The following SCN11A variants were observed in gnomAD, a reference collection of about 807,000 sequenced individuals.
SCN11A encodes the protein sodium voltage-gated channel alpha subunit 11.
Under a neutral mutation model 162.2 loss-of-function variants are expected in SCN11A, and 122 were observed. That is an observed-to-expected ratio of 0.75 (90% CI 0.65 to 0.87). The LOEUF is 0.87. Ranked by LOEUF, SCN11A falls within the 40% of genes least tolerant of loss-of-function variation. SCN11A has a pLI of 0.00. For missense variants in SCN11A, 2,015 were observed against 2,181.6 expected (o/e 0.92, Z 1.52); for synonymous variants, 758 against 751.5 (o/e 1.01, Z -0.14).
At chr3:38,961,132 GC>G (rs1199563123) in intron 2 of SCN11A, among the ~76,000 whole-genome samples, 1 of 152,192 alleles carries the variant, frequency 6.6e-6, no homozygotes, top group Admixed American at 6.5e-5. Context: ...GGAAGTAGGT[GC>G]TTACGGGAGT....
intron 28 of SCN11A, among the ~76,000 whole-genome samples, chr3:38,851,031 A>G (rs2064770615): frequency 6.6e-6 from 1 of 152,200 alleles, no homozygotes; most frequent in Non-Finnish European, 1.5e-5. Context: ...TAGTAACAAC[A>G]TAACTTTGAT....
intron 2 of SCN11A, among the ~76,000 whole-genome samples, chr3:39,018,668 A>C (rs1436014861): frequency 2.0e-5 from 3 of 152,024 alleles, no homozygotes; most frequent in Admixed American, 2.0e-4. Flanking sequence ...AATACAAAAA[A>C]TTAGCCAGGT....
chr3:38,906,163 T>C (rs948338278), intron 14 of SCN11A, among the ~76,000 whole-genome samples: 10 of 152,190 alleles, frequency 6.6e-5, no homozygotes, highest in Admixed American at 6.5e-4. Flanking sequence ...CCCCACCACA[T>C]TATCAGGCAT....
chr3:38,871,742 G>A, intron 24 of SCN11A, 34 bp from the exon 25 acceptor site: 1 of 1,537,444 alleles, frequency 6.5e-7, no homozygotes, highest in Non-Finnish European at 8.7e-7. Context: ...AACCATAACA[G>A]ATGGGTAGGA....
chr3:39,046,503 T>C (rs1435420111), intron 1 of SCN11A, among the ~76,000 whole-genome samples: 1 of 151,910 alleles, frequency 6.6e-6, no homozygotes, highest in Non-Finnish European at 1.5e-5. Flanking sequence ...TTCATAGAAA[T>C]AGAAAAAATA....
intron 23 of SCN11A, among the ~76,000 whole-genome samples, chr3:38,877,141 T>C (rs1575234278): frequency 9.1e-6 from 1 of 109,654 alleles, no homozygotes; most frequent in East Asian, 2.3e-4. Flanking sequence ...ATACTATATA[T>C]ATGGTATATA....
intron 11 of SCN11A, among the ~76,000 whole-genome samples, chr3:38,915,819 A>G (rs1333179848): frequency 6.6e-6 from 1 of 152,084 alleles, no homozygotes; most frequent in Non-Finnish European, 1.5e-5. Context: ...TAACAGGTCC[A>G]TTTGGTCCAA....
chr3:39,001,419 T>C (rs903253414), intron 2 of SCN11A, among the ~76,000 whole-genome samples: 1 of 152,258 alleles, frequency 6.6e-6, no homozygotes, highest in African/African-American at 2.4e-5. Context: ...ATGTTTCTTT[T>C]CCAAGGTTTA....
Position 38,919,916 on chromosome 3 carries a change from A to C in SCN11A, c.959+19T>G, listed in dbSNP as rs1352864087. On this transcript the variant is annotated intron_variant, in intron 11 of 29. Transcript: ENST00000302328. ...TAGAGGTACTCTTCTTGGGAGGAAAATGATTATAAACCTCTTACCTGTTAC... is the reference window on the plus strand; with the variant it reads ...TAGAGGTACTCTTCTTGGGAGGAAACTGATTATAAACCTCTTACCTGTTAC... 1.3e-6 allele frequency: 2 copies of C among 1,594,512 alleles called. No individual in the cohort carries two copies. The highest frequency in any genetic ancestry group is 2.2e-5 in the South Asian group (2 of 90,624).
At chr3:39,002,685 T>C (rs1172627104) in intron 2 of SCN11A, among the ~76,000 whole-genome samples, 1 of 152,242 alleles carries the variant, frequency 6.6e-6, no homozygotes, top group Non-Finnish European at 1.5e-5. Context: ...GATTTTGCAT[T>C]TGGCTTTGTG....
intron 26 of SCN11A, among the ~76,000 whole-genome samples, chr3:38,868,608 C>A (rs774761808): frequency 3.3e-5 from 5 of 152,088 alleles, no homozygotes; most frequent in African/African-American, 4.8e-5. Flanking sequence ...AAAGCTCACC[C>A]AATTTGTTCA....
intron 2 of SCN11A, among the ~76,000 whole-genome samples, chr3:38,984,950 G>A (rs1173023065): frequency 6.6e-6 from 1 of 151,332 alleles, no homozygotes; most frequent in Non-Finnish European, 1.5e-5. Flanking sequence ...CTAGAGTTGA[G>A]TGAATGAGCA....
intron 2 of SCN11A, among the ~76,000 whole-genome samples, chr3:38,967,144 C>T (rs2066787955): frequency 6.6e-6 from 1 of 152,160 alleles, no homozygotes; most frequent in Non-Finnish European, 1.5e-5. Flanking sequence ...GCTTACATTC[C>T]CTATTGTCAG....
At chr3:38,980,234 GA>G (rs375451497) in intron 2 of SCN11A, among the ~76,000 whole-genome samples, 5,376 of 144,298 alleles carry the variant, frequency 0.037, 241 homozygotes, top group African/African-American at 0.11. Context: ...CTTTCTTTGA[GA>G]AAAAAAAAAA....
At chr3:38,854,576 G>GT (rs1489336231) in intron 28 of SCN11A, among the ~76,000 whole-genome samples, 1 of 152,086 alleles carries the variant, frequency 6.6e-6, no homozygotes, top group Non-Finnish European at 1.5e-5. Flanking sequence ...CCGCAGGAAC[G>GT]TAACAGGAAA....
intron 28 of SCN11A, among the ~76,000 whole-genome samples, chr3:38,854,377 G>T (rs2064832666): frequency 6.6e-6 from 1 of 152,170 alleles, no homozygotes; most frequent in African/African-American, 2.4e-5. Context: ...AAGTAAGTAT[G>T]CATGACCTTA....
intron 2 of SCN11A, among the ~76,000 whole-genome samples, chr3:38,983,384 G>A (rs575902129): frequency 3.9e-5 from 6 of 152,180 alleles, no homozygotes; most frequent in Non-Finnish European, 8.8e-5. Flanking sequence ...GCTGAGGAAG[G>A]GTGCTCACTG....
chr3:38,985,024 C>T (rs1313523983), intron 2 of SCN11A, among the ~76,000 whole-genome samples: 1 of 150,324 alleles, frequency 6.7e-6, no homozygotes, highest in Non-Finnish European at 1.5e-5. Context: ...CACTAGGCTG[C>T]AGCAGACTAT....
At chr3:38,867,621 T>A (rs528883708) in intron 26 of SCN11A, among the ~76,000 whole-genome samples, 163 bp from the exon 27 acceptor site, 1 of 152,278 alleles carries the variant, frequency 6.6e-6, no homozygotes, top group East Asian at 1.9e-4. Context: ...GTCTTTCAGT[T>A]TTTGCAGCTC....
Sources: gnomAD v4.1 joint callset for allele counts (sites outside exome capture counted in the v4.1 genomes callset) on GRCh38, gnomAD v4.1.1 for gene constraint, MANE v1.5 for transcripts, NCBI Gene and HGNC (gene_info 2026-07-23, HGNC 2026-07-21) for gene names.